HMMR: variants seen among roughly 807,000 people sequenced by gnomAD.
The protein encoded by HMMR is intracellular hyaluronic acid-binding protein.
HMMR carries 108 observed loss-of-function variants against 101.0 expected under a neutral mutation model. The ratio of observed to expected loss-of-function variants is 1.07; its 90% CI spans 0.92 to 1.25. The LOEUF is 1.25. Among genes scored for constraint, HMMR ranks in the 50% most tolerant of loss-of-function variants. The pLI is 0.00. For missense variants in HMMR, 813 were observed against 788.7 expected, an observed-to-expected ratio of 1.03 and a Z score of -0.37; for synonymous variants, 296 against 276.4, an observed-to-expected ratio of 1.07 and a Z score of -0.70.
intron 4 of HMMR, 29 bp from the exon 5 acceptor site, chr5:163,469,612 T>C (rs2113468179): frequency 6.3e-7 from 1 of 1,577,288 alleles, no homozygotes; most frequent in East Asian, 2.2e-5. Flanking sequence ...TATCAGTGAA[T>C]CATTTATTAT....
At chr5:163,480,085 A>C (rs184869407) in intron 12 of HMMR, among the ~76,000 whole-genome samples, 1 of 152,312 alleles carries the variant, frequency 6.6e-6, no homozygotes, top group Admixed American at 6.5e-5. Flanking sequence ...ACTGACATGC[A>C]TGAACCTATA....
At chr5:163,485,710 A>G (rs1257111200) in intron 16 of HMMR, among the ~76,000 whole-genome samples, 1 of 152,076 alleles carries the variant, frequency 6.6e-6, no homozygotes, top group Non-Finnish European at 1.5e-5. Context: ...CTTGGTATCT[A>G]TCTCCTCTGC....
Position 163,473,779 on chromosome 5 carries a change from C to T in HMMR, c.904+222C>T, listed in dbSNP as rs574261886. On this transcript the variant is annotated intron_variant, in intron 9 of 17. Transcript: ENST00000393915. ...CTGTTTATTTCAATACAGCATATTA[C>T]CTGTCTTGATTGAAATATATACAGT... is the stretch of plus-strand genomic sequence containing the variant. Among the ~76,000 whole-genome samples, 3 of 152,046 alleles carry T rather than the reference C, an allele frequency of 2.0e-5. No homozygotes were observed. The South Asian group carries it at 6.2e-4, about 31-fold the overall frequency.
At chr5:163,489,593 T>A (rs1759608413) in intron 16 of HMMR, among the ~76,000 whole-genome samples, 1 of 152,080 alleles carries the variant, frequency 6.6e-6, no homozygotes, top group Non-Finnish European at 1.5e-5. Flanking sequence ...CAGGCCCTCT[T>A]GAGTAACCTC....
chr5:163,474,535 A>T, intron 10 of HMMR: 1 of 460,948 alleles, frequency 2.2e-6, no homozygotes, highest in South Asian at 1.6e-5. Context: ...CAGAAGAAAC[A>T]AAGCAATTTT....
intron 3 of HMMR, among the ~76,000 whole-genome samples, chr5:163,465,570 A>G (rs988218479): frequency 2.6e-5 from 4 of 151,980 alleles, no homozygotes; most frequent in Non-Finnish European, 5.9e-5. Flanking sequence ...CTGGTCTTGA[A>G]TTCCTGACTT....
chr5:163,483,216 G>T (rs189148127), intron 14 of HMMR, 44 bp downstream of exon 14: 2 of 1,596,596 alleles, frequency 1.3e-6, no homozygotes, highest in African/African-American at 1.3e-5. Flanking sequence ...ACTCAGTTAC[G>T]ATGTGATTTT....
chr5:163,467,250 G>A (rs1183619644), intron 3 of HMMR, among the ~76,000 whole-genome samples: 1 of 152,218 alleles, frequency 6.6e-6, no homozygotes, highest in Non-Finnish European at 1.5e-5. Flanking sequence ...TAAAGCCAAT[G>A]AGAAAATTAG....
At chr5:163,485,695 C>T (rs888782071) in intron 16 of HMMR, among the ~76,000 whole-genome samples, 13 of 151,952 alleles carry the variant, frequency 8.6e-5, no homozygotes, top group South Asian at 2.1e-4. Flanking sequence ...TTTGTTTGTT[C>T]GTTCCTTGGT....
Position 163,484,102 on chromosome 5 carries a change from G to A in HMMR, c.1819G>A (p.Ala607Thr), listed in dbSNP as rs200677786. 6.3e-7 allele frequency: 1 copy of A among 1,597,138 alleles called. No individual in the cohort carries two copies. Among genetic ancestry groups the A allele is most frequent in the Non-Finnish European group, 8.5e-7 (1 of 1,173,104 alleles). ...QLDAFEVEKQ[A>T]LLNEHGAAQE... is the part of the protein sequence containing the mutation. Reference sequence around the variant, plus strand: ...AGATGCTTTTGAAGTAGAAAAACAGGCATTGTTGAATGAACATGGTGCAGC... The same window carrying A: ...AGATGCTTTTGAAGTAGAAAAACAGACATTGTTGAATGAACATGGTGCAGC... Residue 607 changes from alanine to threonine, a missense_variant, in exon 16 of 18, where the codon GCA becomes ACA. Ala to Thr is a moderately conservative substitution (Grantham distance 58). Coordinates refer to ENST00000393915, the MANE Select transcript of HMMR (RefSeq NM_001142556.2).
chr5:163,475,602 G>A lies in HMMR; in HGVS notation c.1198G>A (p.Val400Ile), dbSNP rs780598943. The A allele has an allele frequency of 6.2e-7, 1 of 1,613,108 alleles. No homozygotes were observed. Among genetic ancestry groups the A allele is most frequent in the Admixed American group, 1.7e-5 (1 of 59,958 alleles). The change falls in exon 11 of 18, where the codon GTC becomes ATC. Residue 400 changes from valine (V) to isoleucine (I), a missense_variant. By Grantham distance (29) the Val-to-Ile change is conservative (BLOSUM62 3). Transcript: ENST00000393915. ...QQKEEQAERL[V>I]KQLEEEAKSR... Reference sequence around the variant, plus strand: ...AAAGGAGGAACAAGCTGAAAGGCTGGTCAAGCAATTGGAAGAGGAAGCAAA... The same window carrying A: ...AAAGGAGGAACAAGCTGAAAGGCTGATCAAGCAATTGGAAGAGGAAGCAAA...
At chr5:163,488,113 C>A (rs936978018) in intron 16 of HMMR, among the ~76,000 whole-genome samples, 1 of 152,188 alleles carries the variant, frequency 6.6e-6, no homozygotes, top group African/African-American at 2.4e-5. Flanking sequence ...GCTTTGGCCT[C>A]AAAATGCTGG....
chr5:163,465,406 T>C (rs984816695), intron 3 of HMMR, among the ~76,000 whole-genome samples: 1 of 152,194 alleles, frequency 6.6e-6, no homozygotes, highest in Non-Finnish European at 1.5e-5. Flanking sequence ...CCATCTCAGC[T>C]TACTGCAGCC....
rs756246068 is a variant in HMMR at position 163,475,557 on chromosome 5, G to A, written c.1153G>A (p.Glu385Lys). The A allele has an allele frequency of 5.0e-6, 8 of 1,611,036 alleles. No individual in the cohort carries two copies. Among genetic ancestry groups the A allele is most frequent in the Non-Finnish European group, 6.8e-6 (8 of 1,177,538 alleles). ...FEEELKQTLD[E>K]LDKLQQKEEQ... Reference sequence around the variant, plus strand: ...GGAAGAATTAAAGCAAACACTGGATGAGCTTGATAAATTACAGCAAAAGGA... The same window carrying A: ...GGAAGAATTAAAGCAAACACTGGATAAGCTTGATAAATTACAGCAAAAGGA... The change falls in exon 11 of 18, where the codon GAG (glutamate) becomes AAG (lysine). Residue 385 changes from glutamate (E) to lysine (K), a missense_variant. Glu to Lys is a moderately conservative substitution (Grantham distance 56). Coordinates refer to ENST00000393915, the MANE Select transcript of HMMR (RefSeq NM_001142556.2).
At chr5:163,478,873 G>T in intron 12 of HMMR, 73 bp downstream of exon 12, 1 of 809,152 alleles carries the variant, frequency 1.2e-6, no homozygotes, top group Non-Finnish European at 2.2e-6. Flanking sequence ...GGAAATATGT[G>T]AGCAAAGCAG....
At chr5:163,485,062 T>A (rs1461664582) in intron 16 of HMMR, among the ~76,000 whole-genome samples, 1 of 152,224 alleles carries the variant, frequency 6.6e-6, no homozygotes, top group African/African-American at 2.4e-5. Context: ...TGAATAATGC[T>A]ACCATAAACA....
chr5:163,473,850 T>C (rs1344746378), intron 9 of HMMR, among the ~76,000 whole-genome samples: 1 of 152,068 alleles, frequency 6.6e-6, no homozygotes, highest in African/African-American at 2.4e-5. Context: ...TAACAATCAG[T>C]AGATAACACA....
At chr5:163,478,579 A>G in intron 11 of HMMR, 105 bp from the exon 12 acceptor site, 1 of 712,302 alleles carries the variant, frequency 1.4e-6, no homozygotes, top group South Asian at 1.6e-5. Flanking sequence ...GCAGTGGTGA[A>G]GATATGAGCT....
intron 7 of HMMR, among the ~76,000 whole-genome samples, chr5:163,472,118 A>C (rs1177383575): frequency 6.6e-6 from 1 of 151,660 alleles, no homozygotes; most frequent in East Asian, 1.9e-4. Flanking sequence ...CCTGGACTCA[A>C]GTGATACCAC....
Sources: gnomAD v4.1 joint callset for allele counts (sites outside exome capture counted in the v4.1 genomes callset) on GRCh38, gnomAD v4.1.1 for gene constraint, MANE v1.5 for transcripts, NCBI Gene and HGNC (gene_info 2026-07-23, HGNC 2026-07-21) for gene names.